LOC400499: variants seen among roughly 807,000 people sequenced by gnomAD.
the LOC400499 span, among the ~76,000 whole-genome samples, chr16:11,455,442 C>A: frequency 6.6e-6 from 1 of 151,876 alleles, no homozygotes; most frequent in African/African-American, 2.4e-5. Flanking sequence ...TTAAGCAAGA[C>A]TTGGGGTAGG....
the LOC400499 span, among the ~76,000 whole-genome samples, chr16:11,435,279 A>AT: frequency 1.3e-5 from 2 of 151,520 alleles, no homozygotes; most frequent in South Asian, 2.1e-4. Context: ...CACCTGGCTA[A>AT]TTTTTTTTAT....
the LOC400499 span, among the ~76,000 whole-genome samples, chr16:11,475,238 G>C: frequency 6.6e-6 from 1 of 152,058 alleles, no homozygotes; most frequent in Non-Finnish European, 1.5e-5. Flanking sequence ...TAGATGACAG[G>C]TTGATGGGTG....
At chr16:11,489,505 G>A in the LOC400499 span, among the ~76,000 whole-genome samples, 1 of 151,818 alleles carries the variant, frequency 6.6e-6, no homozygotes, top group South Asian at 2.1e-4. Context: ...GAATCCAACG[G>A]GAATATTAGA....
At chr16:11,408,678 G>C in the LOC400499 span, among the ~76,000 whole-genome samples, 7 of 151,570 alleles carry the variant, frequency 4.6e-5, no homozygotes, top group Admixed American at 3.9e-4. Context: ...GTTGCAGGCT[G>C]TTTTGAACTC....
At chr16:11,470,336 C>G in the LOC400499 span, among the ~76,000 whole-genome samples, 2 of 152,214 alleles carry the variant, frequency 1.3e-5, no homozygotes, top group African/African-American at 2.4e-5. Flanking sequence ...TCCCAGCACC[C>G]TAGCCCAGAG....
the LOC400499 span, chr16:11,399,589 G>C: frequency 2.8e-5 from 11 of 398,684 alleles, no homozygotes; most frequent in Non-Finnish European, 4.9e-5. Context: ...TCAGGCCCCA[G>C]GTTTCCTGGA....
chr16:11,516,054 G>A, the LOC400499 span: 5 of 399,332 alleles, frequency 1.3e-5, no homozygotes, highest in Admixed American at 1.8e-4. Context: ...CATCGGCCCA[G>A]GATGTCCACC....
chr16:11,426,671 G>A, the LOC400499 span, among the ~76,000 whole-genome samples: 49 of 151,650 alleles, frequency 3.2e-4, no homozygotes, highest in African/African-American at 1.1e-3. Flanking sequence ...GCTCATACCT[G>A]TAATCCCAGC....
the LOC400499 span, among the ~76,000 whole-genome samples, chr16:11,388,229 C>A: frequency 6.6e-6 from 1 of 152,124 alleles, no homozygotes; most frequent in Non-Finnish European, 1.5e-5. Flanking sequence ...GTGACAGGAT[C>A]CCACTCACCA....
the LOC400499 span, among the ~76,000 whole-genome samples, chr16:11,433,900 C>T: frequency 3.5e-4 from 54 of 152,310 alleles, no homozygotes; most frequent in African/African-American, 1.3e-3. Context: ...CAAATCATAT[C>T]CTCTATAATC....
the LOC400499 span, chr16:11,417,962 G>A: frequency 7.6e-6 from 3 of 397,310 alleles, no homozygotes; most frequent in Non-Finnish European, 1.3e-5. Flanking sequence ...GTGATGGGAG[G>A]AACTCAGACC....
chr16:11,443,416 A>AGAT, the LOC400499 span: 1 of 430,750 alleles, frequency 2.3e-6, no homozygotes, highest in Non-Finnish European at 4.6e-6. Context: ...AGCTGAGATC[A>AGAT]AGTCATTGCA....
chr16:11,413,796 C>T, the LOC400499 span, among the ~76,000 whole-genome samples: 1 of 152,152 alleles, frequency 6.6e-6, no homozygotes. Context: ...TGAACTCACT[C>T]GATCCTCACA....
chr16:11,527,374 C>G, the LOC400499 span, among the ~76,000 whole-genome samples: 1 of 151,960 alleles, frequency 6.6e-6, no homozygotes. Flanking sequence ...TATTAGCACC[C>G]CGCCCGACAG....
At chr16:11,424,240 T>C in the LOC400499 span, 2 of 399,100 alleles carry the variant, frequency 5.0e-6, no homozygotes, top group Non-Finnish European at 8.8e-6. Flanking sequence ...TCCAGGCCAA[T>C]GGCACCGTCT....
At chr16:11,410,016 C>T in the LOC400499 span, among the ~76,000 whole-genome samples, 10 of 152,138 alleles carry the variant, frequency 6.6e-5, no homozygotes, top group African/African-American at 2.2e-4. Context: ...GTGGTGGTAC[C>T]ACCTGTAGTC....
the LOC400499 span, chr16:11,411,155 T>C: frequency 4.3e-5 from 17 of 398,540 alleles, no homozygotes; most frequent in East Asian, 5.7e-4. Context: ...GATGTGCATG[T>C]ATTAACACTC....
chr16:11,393,510 G>A, the LOC400499 span: 10 of 1,232,224 alleles, frequency 8.1e-6, no homozygotes, highest in Non-Finnish European at 1.0e-5. Flanking sequence ...AGAAGTCGAG[G>A]TGGAGACACG....
chr16:11,396,880 G>C, the LOC400499 span, among the ~76,000 whole-genome samples: 2 of 152,178 alleles, frequency 1.3e-5, no homozygotes, highest in African/African-American at 4.8e-5. Flanking sequence ...CTGCTTTGTT[G>C]TCCCAACCTC....
Sources: gnomAD v4.1 joint callset for allele counts (sites outside exome capture counted in the v4.1 genomes callset) on GRCh38, gnomAD v4.1.1 for gene constraint, MANE v1.5 for transcripts.